GPBP1: variants seen among roughly 807,000 people sequenced by gnomAD.
GPBP1 encodes the protein GC-rich promoter binding protein 1.
In GPBP1, 13 loss-of-function variants were observed where a neutral mutation model predicts 56.5. That is an observed-to-expected ratio of 0.23 (90% CI 0.15 to 0.37). GPBP1 has a LOEUF of 0.37. Ranked by LOEUF, GPBP1 falls within the 10% of genes least tolerant of loss-of-function variation. GPBP1 has a pLI of 1.00. For synonymous variants in GPBP1, 204 were observed against 188.9 expected (o/e 1.08, Z -0.66); for missense variants, 477 against 572.3 (o/e 0.83, Z 1.70).
chr5:57,251,913 T>C (rs1251278943), intron 10 of GPBP1, among the ~76,000 whole-genome samples: 1 of 152,212 alleles, frequency 6.6e-6, no homozygotes, highest in Non-Finnish European at 1.5e-5. Flanking sequence ...TAATGACTAA[T>C]AGTGTTGAGT....
chr5:57,260,063 T>G (rs1040511669), intron 10 of GPBP1, among the ~76,000 whole-genome samples: 5 of 152,168 alleles, frequency 3.3e-5, no homozygotes, highest in African/African-American at 1.2e-4. Flanking sequence ...GTTTAAACTT[T>G]CCATTGAAAG....
In GPBP1 at chr5:57,251,189, TTTCAATATTATAGAG is replaced by T. The variant is rs753498016; in HGVS notation, c.1160+51_1160+65del. The T allele has an allele frequency of 6.2e-6, 9 of 1,450,430 alleles. No individual in the cohort carries two copies. The African/African-American group carries it at 1.3e-4, about 21-fold the overall frequency. 89.8% of individuals were successfully genotyped at this position (1,450,430 alleles called of 1,614,324 possible). A position where few individuals can be genotyped will look rare whatever the true frequency, so the allele number is the denominator to read the frequency against. On this transcript the variant is annotated intron_variant, in intron 10 of 11. Coordinates refer to ENST00000506184, the MANE Select transcript of GPBP1 (RefSeq NM_022913.4). ...TGCTCAGCATTTTCTGTATTCGAGA[TTTCAATATTATAGAG>T]TTTTTACGTGATTTAACAGGTTTAT...
chr5:57,214,429 T>C (rs1755620340), intron 3 of GPBP1, among the ~76,000 whole-genome samples: 1 of 151,926 alleles, frequency 6.6e-6, no homozygotes, highest in African/African-American at 2.4e-5. Context: ...CTACTACAGA[T>C]ACAAAATTAG....
chr5:57,208,737 A>G (rs543864574), intron 2 of GPBP1, among the ~76,000 whole-genome samples: 1 of 149,046 alleles, frequency 6.7e-6, no homozygotes, highest in South Asian at 2.1e-4. Flanking sequence ...GCTCACTGCA[A>G]CCTCTGCCTC....
intron 5 of GPBP1, 75 bp downstream of exon 5, chr5:57,231,396 C>T: frequency 1.6e-6 from 2 of 1,214,118 alleles, no homozygotes; most frequent in East Asian, 2.5e-5. Flanking sequence ...GCCTCAGCCT[C>T]TCCAGTATCT....
rs370715699 is a variant in GPBP1, at chr5:57,208,696, G to A, written c.-57-5378G>A. On this transcript the variant is annotated intron_variant, in intron 2 of 11. Coordinates refer to ENST00000506184, the MANE Select transcript of GPBP1 (RefSeq NM_022913.4). ...TTTTGAGACAGAGTCTCACCCCGTCGTCCAGGCTGGAGTGCAATGGCGTGA... is the reference window on the plus strand; with the variant it reads ...TTTTGAGACAGAGTCTCACCCCGTCATCCAGGCTGGAGTGCAATGGCGTGA... 7.1e-4 allele frequency among the ~76,000 whole-genome samples: 97 copies of A among 136,096 alleles called. 1 individual carries two copies. Among genetic ancestry groups the A allele is most frequent in the African/African-American group, 2.7e-3 (96 of 35,636 alleles). 89.3% of individuals were successfully genotyped at this position (136,096 alleles called of 152,430 possible). A position where few individuals can be genotyped will look rare whatever the true frequency, so the allele number is the denominator to read the frequency against.
At chr5:57,236,457 G>GTATA (rs140063276) in intron 6 of GPBP1, among the ~76,000 whole-genome samples, 3 of 151,836 alleles carry the variant, frequency 2.0e-5, no homozygotes, top group South Asian at 2.1e-4. Context: ...AAGTGGTTAC[G>GTATA]TATATATATA....
chr5:57,187,070 A>T (rs866347960), intron 2 of GPBP1, among the ~76,000 whole-genome samples: 1 of 151,542 alleles, frequency 6.6e-6, no homozygotes, highest in Non-Finnish European at 1.5e-5. Flanking sequence ...TGCTAATTCT[A>T]TGGAATGCTA....
chr5:57,224,466 C>T (rs1270127308), intron 3 of GPBP1, among the ~76,000 whole-genome samples: 1 of 151,958 alleles, frequency 6.6e-6, no homozygotes, highest in East Asian at 1.9e-4. Flanking sequence ...TAGTCTCGAA[C>T]TCCTGACCTC....
intron 3 of GPBP1, among the ~76,000 whole-genome samples, chr5:57,215,081 T>G (rs1358455395): frequency 3.3e-5 from 5 of 152,260 alleles, no homozygotes; most frequent in African/African-American, 9.6e-5. Flanking sequence ...ACCAGTCATA[T>G]ACTTTGAACA....
chr5:57,226,232 A>G (rs530455249), intron 3 of GPBP1, among the ~76,000 whole-genome samples: 3 of 152,336 alleles, frequency 2.0e-5, no homozygotes, highest in East Asian at 3.9e-4. Flanking sequence ...CTGTTAATGA[A>G]CTGTAATGGA....
intron 2 of GPBP1, among the ~76,000 whole-genome samples, chr5:57,190,023 C>T (rs1011018653): frequency 6.6e-6 from 1 of 152,134 alleles, no homozygotes; most frequent in African/African-American, 2.4e-5. Context: ...TTATAATTAT[C>T]TTGTTTACCC....
chr5:57,190,988 A>G (rs960754949), intron 2 of GPBP1, among the ~76,000 whole-genome samples: 5 of 151,236 alleles, frequency 3.3e-5, no homozygotes, highest in South Asian at 2.1e-4. Flanking sequence ...GGCAAAACAT[A>G]TTGTCTTGAA....
chr5:57,229,262 A>AAAAAAG (rs1756336336), intron 3 of GPBP1, among the ~76,000 whole-genome samples: 2 of 135,812 alleles, frequency 1.5e-5, no homozygotes, highest in Non-Finnish European at 1.6e-5. Context: ...AAAAAAAAAA[A>AAAAAAG]AAAAAGGAGT....
rs747189205 is a variant in GPBP1, at chr5:57,262,686, A to C, written c.1356A>C (p.Lys452Asn). ...GACCGTGGAAGAACAGCACTTTCAA[A>C]CCCACAACTGAGAATGATGACACAG... ...KFGPWKNSTF[K>N]PTTENDDTET... The change falls in exon 12 of 12, where the codon AAA (lysine) becomes AAC (asparagine). Residue 452 changes from lysine (K) to asparagine (N), a missense_variant. By Grantham distance (94) the Lys-to-Asn change is moderately conservative. This residue lies in a region of GPBP1 where 63 missense variants were observed against 114.0 expected (regional missense o/e 0.55). Coordinates refer to ENST00000506184, the MANE Select transcript of GPBP1 (RefSeq NM_022913.4). 1.9e-6 allele frequency: 3 copies of C among 1,613,906 alleles called. No individual in the cohort carries two copies. The highest frequency in any genetic ancestry group is 2.5e-6 in the Non-Finnish European group (3 of 1,179,828).
At chr5:57,255,884 C>G (rs1408140096) in intron 10 of GPBP1, among the ~76,000 whole-genome samples, 1 of 152,122 alleles carries the variant, frequency 6.6e-6, no homozygotes, top group East Asian at 1.9e-4. Flanking sequence ...AGTTTCATAA[C>G]TTGACAGAAT....
At chr5:57,233,917 C>T (rs1756562784) in intron 5 of GPBP1, among the ~76,000 whole-genome samples, 1 of 152,178 alleles carries the variant, frequency 6.6e-6, no homozygotes, top group African/African-American at 2.4e-5. Context: ...ATAGTAAGCA[C>T]TCAATAAAAA....
chr5:57,255,818 G>A (rs1320075186), intron 10 of GPBP1, among the ~76,000 whole-genome samples: 1 of 152,144 alleles, frequency 6.6e-6, no homozygotes, highest in Non-Finnish European at 1.5e-5. Context: ...GTTTAGTGCA[G>A]GAAGCATTTT....
chr5:57,236,468 T>TAC (rs1472738015), intron 6 of GPBP1, among the ~76,000 whole-genome samples: 4 of 152,192 alleles, frequency 2.6e-5, no homozygotes, highest in East Asian at 3.8e-4. Context: ...TATATATATA[T>TAC]ACACATATAT....
Sources: allele counts gnomAD v4.1 joint callset (sites outside exome capture counted in the v4.1 genomes callset), GRCh38; gene constraint gnomAD v4.1.1; regional missense constraint gnomAD v4.1.1; transcripts MANE v1.5; gene names NCBI Gene and HGNC (gene_info 2026-07-23, HGNC 2026-07-21).